The following RETREG1 variants were observed in gnomAD, a reference collection of about 807,000 sequenced individuals.
RETREG1 encodes family with sequence similarity 134 member B.
Under a neutral mutation model 54.8 loss-of-function variants are expected in RETREG1, and 44 were observed. That is an observed-to-expected ratio of 0.80 (90% CI 0.63 to 1.03). The LOEUF is 1.03. Ranked by LOEUF, RETREG1 falls within the 50% of genes least tolerant of loss-of-function variation. The pLI is 0.00. For synonymous variants in RETREG1, 217 were observed against 238.5 expected (o/e 0.91, Z 0.83); for missense variants, 554 against 605.1 (o/e 0.92, Z 0.89).
intron 1 of RETREG1, among the ~76,000 whole-genome samples, chr5:16,612,562 C>T (rs2126379077): frequency 6.6e-6 from 1 of 152,282 alleles, no homozygotes; most frequent in Admixed American, 6.5e-5. Flanking sequence ...ATTCTAAAAA[C>T]ATGTTCTTCA....
chr5:16,569,117 C>T (rs949883820), intron 2 of RETREG1, among the ~76,000 whole-genome samples: 41 of 152,204 alleles, frequency 2.7e-4, no homozygotes, highest in African/African-American at 8.4e-4. Context: ...AGCAGCAGCA[C>T]CCTGCGCTAG....
chr5:16,491,661 T>C (rs1739251740), intron 3 of RETREG1, among the ~76,000 whole-genome samples: 1 of 152,174 alleles, frequency 6.6e-6, no homozygotes. Context: ...AACTGTCATC[T>C]ATAGGGAAGA....
intron 1 of RETREG1, chr5:16,616,014 C>G (rs1224205193): frequency 1.3e-5 from 2 of 152,204 alleles, no homozygotes; most frequent in Non-Finnish European, 2.9e-5. Flanking sequence ...GCTGAGCATT[C>G]CCGTGTGTTC....
At chr5:16,536,019 T>G (rs1741062640) in intron 3 of RETREG1, among the ~76,000 whole-genome samples, 1 of 151,984 alleles carries the variant, frequency 6.6e-6, no homozygotes, top group Admixed American at 6.6e-5. Context: ...GCACACTGCC[T>G]TCACAAAGTG....
chr5:16,479,602 A>G (rs995090829), intron 5 of RETREG1, among the ~76,000 whole-genome samples: 11 of 152,088 alleles, frequency 7.2e-5, no homozygotes, highest in Non-Finnish European at 1.5e-4. Flanking sequence ...CAATGTCATC[A>G]TGAGGCTGAT....
Position 16,489,264 on chromosome 5 carries a change from A to C in RETREG1, c.459-5792T>G, listed in dbSNP as rs142913901. Among the ~76,000 whole-genome samples the C allele has an allele frequency of 3.7e-3, 566 of 152,274 alleles. 4 individuals carry two copies. Among genetic ancestry groups the C allele is most frequent in the African/African-American group, 0.013 (537 of 41,554 alleles). On this transcript the variant is annotated intron_variant, in intron 3 of 8. Coordinates refer to ENST00000306320, the MANE Select transcript of RETREG1 (RefSeq NM_001034850.3). ...TTTTACTTTTATGTGTATCTTTTAA[A>C]TTATCATGTACCTTTGTTCCCTTAA...
chr5:16,476,717 A>G (rs1346935749), intron 8 of RETREG1, among the ~76,000 whole-genome samples: 1 of 150,358 alleles, frequency 6.7e-6, no homozygotes. Flanking sequence ...ACACATAGAC[A>G]CAATGGTGGG....
At chr5:16,502,005 G>A (rs1049363901) in intron 3 of RETREG1, among the ~76,000 whole-genome samples, 33 of 148,592 alleles carry the variant, frequency 2.2e-4, no homozygotes, top group African/African-American at 7.5e-4. Context: ...TGCCCAGGCT[G>A]GAGTGTAGTG....
intron 1 of RETREG1, among the ~76,000 whole-genome samples, chr5:16,589,114 A>G (rs903574011): frequency 2.6e-5 from 4 of 152,206 alleles, no homozygotes; most frequent in African/African-American, 9.6e-5. Flanking sequence ...AGTTGTGCCT[A>G]GAAAACACCA....
At chr5:16,477,161 G>T (rs1349259184) in intron 8 of RETREG1, among the ~76,000 whole-genome samples, 1 of 151,928 alleles carries the variant, frequency 6.6e-6, no homozygotes, top group East Asian at 1.9e-4. Context: ...GGCAAATTTG[G>T]ACATTGACTG....
intron 3 of RETREG1, among the ~76,000 whole-genome samples, chr5:16,562,457 G>A (rs1290566263): frequency 6.6e-6 from 1 of 152,090 alleles, no homozygotes; most frequent in Non-Finnish European, 1.5e-5. Context: ...GTGCCTTAAG[G>A]GTGCCATCTT....
At chr5:16,501,638 G>T (rs35852952) in intron 3 of RETREG1, among the ~76,000 whole-genome samples, 1 of 151,978 alleles carries the variant, frequency 6.6e-6, no homozygotes. Context: ...CGCCTCCCAG[G>T]TTCAGGCAAT....
At chr5:16,499,927 C>T (rs2126548028) in intron 3 of RETREG1, among the ~76,000 whole-genome samples, 1 of 152,312 alleles carries the variant, frequency 6.6e-6, no homozygotes, top group Admixed American at 6.5e-5. Context: ...ACCCCACTGA[C>T]ACAACTAAGG....
intron 3 of RETREG1, among the ~76,000 whole-genome samples, chr5:16,546,639 G>A (rs1207419031): frequency 6.6e-6 from 1 of 152,182 alleles, no homozygotes; most frequent in Non-Finnish European, 1.5e-5. Context: ...ATAAAAATTG[G>A]TGCCAGATTC....
chr5:16,487,544 A>G (rs1261892153), intron 3 of RETREG1, among the ~76,000 whole-genome samples: 1 of 152,200 alleles, frequency 6.6e-6, no homozygotes, highest in African/African-American at 2.4e-5. Context: ...TGGCCATGCC[A>G]TCTATCAAAT....
intron 4 of RETREG1, among the ~76,000 whole-genome samples, chr5:16,482,611 G>A (rs1414459001): frequency 6.6e-6 from 1 of 152,038 alleles, no homozygotes; most frequent in Non-Finnish European, 1.5e-5. Context: ...TTTCAATGCT[G>A]ACATTCCTAG....
chr5:16,601,391 CTTTT>C (rs530475440), intron 1 of RETREG1, among the ~76,000 whole-genome samples: 2 of 140,816 alleles, frequency 1.4e-5, no homozygotes, highest in African/African-American at 5.2e-5. Flanking sequence ...GAGGAATTTT[CTTTT>C]TTTTTTTTTC....
chr5:16,538,632 C>T lies in RETREG1; in HGVS notation c.458+27131G>A, dbSNP rs74844096. Among the ~76,000 whole-genome samples the T allele has an allele frequency of 6.0e-3, 906 of 152,258 alleles. 11 individuals are homozygous for T. Among genetic ancestry groups the T allele is most frequent in the African/African-American group, 0.02 (845 of 41,568 alleles). ...CAGTGCAACCACAGACCTACCAAGA[C>T]ACCATGTACCTTTCCAGTGGGGTCA... On this transcript the variant is annotated intron_variant, in intron 3 of 8. Coordinates refer to ENST00000306320, the MANE Select transcript of RETREG1 (RefSeq NM_001034850.3).
chr5:16,508,434 TTA>T, intron 3 of RETREG1: 1 of 845,180 alleles, frequency 1.2e-6, no homozygotes, highest in South Asian at 1.6e-5. Flanking sequence ...CCAAAGAAAA[TTA>T]TGTTTCCTGG....
Sources: gnomAD v4.1 joint callset for allele counts (sites outside exome capture counted in the v4.1 genomes callset) on GRCh38, gnomAD v4.1.1 for gene constraint, MANE v1.5 for transcripts, NCBI Gene and HGNC (gene_info 2026-07-23, HGNC 2026-07-21) for gene names.